Variants in COPB2 observed in about 807,000 individuals in gnomAD.
COPB2 encodes coatomer subunit beta'.
COPB2 carries 16 observed loss-of-function variants against 120.8 expected under a neutral mutation model. That is an observed-to-expected ratio of 0.13 (90% confidence interval 0.09 to 0.20). The LOEUF (loss-of-function observed/expected upper bound fraction) is 0.20. Among genes scored for constraint, COPB2 ranks in the 10% least tolerant of loss-of-function variants. The probability of loss-of-function intolerance (pLI) is 1.00; values close to 1 mark genes in which losing one functional copy is unlikely to be tolerated. For missense variants in COPB2, 794 were observed against 1,076.5 expected (o/e 0.74, Z 3.67); for synonymous variants, 332 against 366.3 (o/e 0.91, Z 1.07).
chr3:139,361,339 G>A (rs1941415636), intron 16 of COPB2, 44 bp from the exon 17 acceptor site: 1 of 1,558,230 alleles, frequency 6.4e-7, no homozygotes, highest in African/African-American at 1.4e-5. Context: ...TTAGAAATAA[G>A]CATTTACATT....
Position 139,359,212 on chromosome 3 carries a change from A to G in COPB2, c.2304-34T>C, listed in dbSNP as rs778506978. 24 of 1,611,592 alleles carry G rather than the reference A, an allele frequency of 1.5e-5. No homozygotes were observed. The African/African-American group carries it at 3.2e-4, about 22-fold the overall frequency. ...GACATCATGGAACCAAAGAGAGACTAAGTAAATGTGCTCTCTTTTTATTGG... is the reference window on the plus strand; with the variant it reads ...GACATCATGGAACCAAAGAGAGACTGAGTAAATGTGCTCTCTTTTTATTGG... On this transcript the variant is annotated intron_variant, in intron 18 of 21. Transcript: ENST00000333188.
intron 10 of COPB2, among the ~76,000 whole-genome samples, chr3:139,370,215 C>T (rs1201715850): frequency 6.6e-6 from 1 of 152,156 alleles, no homozygotes; most frequent in Admixed American, 6.5e-5. Flanking sequence ...ATGGGGGATA[C>T]GTTCTAAGCC....
intron 1 of COPB2, among the ~76,000 whole-genome samples, chr3:139,383,879 T>C (rs774237265): frequency 6.6e-6 from 1 of 152,176 alleles, no homozygotes; most frequent in Non-Finnish European, 1.5e-5. Flanking sequence ...TTCAAAAAAT[T>C]TAGTGAAAAG....
At chr3:139,373,601 A>T in intron 8 of COPB2, 65 bp downstream of exon 8, 2 of 1,602,836 alleles carry the variant, frequency 1.2e-6, no homozygotes, top group South Asian at 2.2e-5. Context: ...GGAAGATGAC[A>T]GTACTAAAAT....
rs1476150969 is a variant in COPB2 at position 139,359,088 on chromosome 3, G to C, written c.2394C>G (p.Phe798Leu). 2 of 1,614,052 alleles carry C rather than the reference G, an allele frequency of 1.2e-6. No individual in the cohort carries two copies. Among genetic ancestry groups the C allele is most frequent in the Non-Finnish European group, 1.7e-6 (2 of 1,179,982 alleles). Residue 798 changes from phenylalanine (F) to leucine (L), a missense_variant, in exon 19 of 22, where the codon TTC (phenylalanine) becomes TTG (leucine). Physicochemically the swap from Phe to Leu is conservative, Grantham distance 22 (BLOSUM62 0). Transcript: ENST00000333188. ...LADPTEYENL[F>L]PGLKEAFVVE... is the part of the protein sequence containing the mutation. ...CAACAAAGGCTTCTTTTAATCCAGG[G>C]AACAGGTTTTCATACTCTGTTGGGT...
intron 5 of COPB2, among the ~76,000 whole-genome samples, chr3:139,375,967 T>C (rs1009095156): frequency 6.6e-6 from 1 of 152,214 alleles, no homozygotes; most frequent in Admixed American, 6.5e-5. Context: ...TATTAAAAGT[T>C]GCTGGGTGTG....
At chr3:139,362,262 AAGAT>A (rs1206544240) in intron 16 of COPB2, 141 bp downstream of exon 16, 1 of 456,724 alleles carries the variant, frequency 2.2e-6, no homozygotes, top group Non-Finnish European at 3.9e-6. Context: ...ATCTTTTAAA[AAGAT>A]AAGAGAGAGA....
chr3:139,376,246 G>A (rs1003079969), intron 5 of COPB2, among the ~76,000 whole-genome samples: 6 of 151,842 alleles, frequency 4.0e-5, no homozygotes, highest in South Asian at 4.2e-4. Context: ...AACACAGACC[G>A]TAACTCAAAA....
intron 4 of COPB2, 85 bp from the exon 5 acceptor site, chr3:139,378,274 T>C: frequency 7.9e-7 from 1 of 1,272,742 alleles, no homozygotes; most frequent in Non-Finnish European, 1.1e-6. Context: ...GAAGCAAACC[T>C]AACACAAACC....
intron 2 of COPB2, chr3:139,381,489 G>A (rs1261738019): frequency 1.3e-5 from 2 of 152,198 alleles, no homozygotes; most frequent in Non-Finnish European, 2.9e-5. Context: ...CAGTGTATCA[G>A]GTAGTGCCTC....
intron 3 of COPB2, 53 bp downstream of exon 3, chr3:139,379,327 C>A (rs1331889680): frequency 5.6e-5 from 88 of 1,581,780 alleles, no homozygotes; most frequent in Non-Finnish European, 7.5e-5. Flanking sequence ...CAAATTTACA[C>A]AATCATTGAC....
At position 139,379,121 on chromosome 3, in the gene COPB2, A is replaced by G; in HGVS notation, c.281T>C (p.Met94Thr). Residue 94 changes from methionine to threonine, a missense_variant, in exon 4 of 22, where the codon ATG (methionine) becomes ACG (threonine). Coordinates refer to ENST00000333188, the MANE Select transcript of COPB2 (RefSeq NM_004766.3). ...FNYNTLERVHMFEAHSDYIRC... is the reference protein window; with the variant it reads ...FNYNTLERVHTFEAHSDYIRC... ...AATGTAGTCTGAGTGTGCTTCAAAC[A>G]TATGAACTCTCTCCAGAGTATTGTA... The G allele has an allele frequency of 6.2e-7, 1 of 1,612,470 alleles. No individual in the cohort carries two copies. Among genetic ancestry groups the G allele is most frequent in the African/African-American group, 1.3e-5 (1 of 74,940 alleles).
At chr3:139,372,376 C>T (rs1040005070) in intron 9 of COPB2, among the ~76,000 whole-genome samples, 5 of 152,142 alleles carry the variant, frequency 3.3e-5, no homozygotes, top group Admixed American at 2.0e-4. Flanking sequence ...GCAGAGTCAA[C>T]GAAAATTTTC....
chr3:139,383,078 T>C, intron 2 of COPB2: 3 of 554,250 alleles, frequency 5.4e-6, no homozygotes. Context: ...AAGTCAGAGT[T>C]GTTATATTTA....
intron 9 of COPB2, among the ~76,000 whole-genome samples, 174 bp from the exon 10 acceptor site, chr3:139,372,007 A>C (rs1335513308): frequency 1.3e-5 from 2 of 152,250 alleles, no homozygotes; most frequent in African/African-American, 4.8e-5. Context: ...AAAGTTACAA[A>C]AAAAATTCTA....
intron 13 of COPB2, 148 bp downstream of exon 13, chr3:139,367,997 T>C: frequency 1.3e-6 from 1 of 798,776 alleles, no homozygotes; most frequent in Non-Finnish European, 1.8e-6. Flanking sequence ...AGTTACGATT[T>C]TAATTTTTCA....
At chr3:139,371,014 A>C (rs985106399) in intron 10 of COPB2, among the ~76,000 whole-genome samples, 1 of 152,220 alleles carries the variant, frequency 6.6e-6, no homozygotes, top group African/African-American at 2.4e-5. Context: ...GGCAAGATGC[A>C]ACATAAAATG....
chr3:139,365,582 C>G (rs1941499580), intron 15 of COPB2, among the ~76,000 whole-genome samples: 1 of 152,082 alleles, frequency 6.6e-6, no homozygotes, highest in Admixed American at 6.6e-5. Flanking sequence ...ATGGATCCAA[C>G]AGGACAGAAG....
At position 139,372,423 on chromosome 3, in the gene COPB2, A is replaced by G. The variant is rs562105474; in HGVS notation, c.1095-590T>C. Reference sequence around the variant, plus strand: ...AAGACAACTATCTTTAAAGTTGTTTATAACACTGTAAAGGCTGGTATCAAA... The same window carrying G: ...AAGACAACTATCTTTAAAGTTGTTTGTAACACTGTAAAGGCTGGTATCAAA... On this transcript the variant is annotated intron_variant, in intron 9 of 21. Coordinates refer to ENST00000333188, the MANE Select transcript of COPB2 (RefSeq NM_004766.3). Among the ~76,000 whole-genome samples, 161 of 152,366 alleles carry G rather than the reference A, an allele frequency of 1.1e-3. 1 individual carries two copies. The highest frequency in any genetic ancestry group is 3.8e-3 in the African/African-American group (156 of 41,584).
Sources: gnomAD v4.1 joint callset for allele counts (sites outside exome capture counted in the v4.1 genomes callset) on GRCh38, gnomAD v4.1.1 for gene constraint, MANE v1.5 for transcripts, NCBI Gene and HGNC (gene_info 2026-07-23, HGNC 2026-07-21) for gene names.